The following LUZP2 variants were observed in gnomAD, a reference collection of about 807,000 sequenced individuals.
LUZP2 encodes leucine zipper protein 2.
A neutral mutation model predicts 51.6 loss-of-function variants in LUZP2; 52 were observed. The ratio of observed to expected loss-of-function variants is 1.01; its 90% CI spans 0.81 to 1.27. The LOEUF is 1.27. LUZP2 is among the 50% of genes most tolerant of loss of function. The pLI is 0.00. For synonymous variants in LUZP2, 154 were observed against 137.3 expected (o/e 1.12, Z -0.85); for missense variants, 436 against 395.4 (o/e 1.10, Z -0.87).
chr11:24,829,837 A>G (rs945005919), intron 5 of LUZP2, among the ~76,000 whole-genome samples: 4 of 152,200 alleles, frequency 2.6e-5, no homozygotes, highest in Non-Finnish European at 5.9e-5. Context: ...CTGTGATTTG[A>G]TAAGTCCAGA....
At chr11:25,009,155 C>A (rs1480711937) in intron 9 of LUZP2, among the ~76,000 whole-genome samples, 2 of 152,146 alleles carry the variant, frequency 1.3e-5, no homozygotes, top group African/African-American at 2.4e-5. Flanking sequence ...TACATTCCAA[C>A]AATTTTGAGG....
At chr11:24,988,010 G>A (rs1374034201) in intron 9 of LUZP2, among the ~76,000 whole-genome samples, 2 of 151,978 alleles carry the variant, frequency 1.3e-5, no homozygotes, top group African/African-American at 4.8e-5. Context: ...TAGAGCCAAG[G>A]TTGAACATGA....
intron 1 of LUZP2, among the ~76,000 whole-genome samples, chr11:24,510,610 T>C (rs1389984223): frequency 6.6e-6 from 1 of 152,218 alleles, no homozygotes; most frequent in Non-Finnish European, 1.5e-5. Flanking sequence ...CTAACTTTCA[T>C]GGGCTTCAGT....
At chr11:24,926,324 T>A (rs1854243468) in intron 7 of LUZP2, among the ~76,000 whole-genome samples, 1 of 115,292 alleles carries the variant, frequency 8.7e-6, no homozygotes, top group African/African-American at 3.9e-5. Context: ...TATATACGTG[T>A]GTGTATATAT....
chr11:24,617,550 G>A (rs902491511), intron 1 of LUZP2, among the ~76,000 whole-genome samples: 9 of 152,192 alleles, frequency 5.9e-5, no homozygotes, highest in Admixed American at 2.0e-4. Flanking sequence ...GCCGGGGGCC[G>A]TGGCTCACGC....
chr11:24,525,784 T>C (rs184235047), intron 1 of LUZP2, among the ~76,000 whole-genome samples: 1 of 151,536 alleles, frequency 6.6e-6, no homozygotes, highest in Admixed American at 6.6e-5. Flanking sequence ...GAAGGGCCTT[T>C]AGGAAATCCT....
At chr11:24,701,213 G>A in intron 1 of LUZP2, 1 of 155,360 alleles carries the variant, frequency 6.4e-6, no homozygotes. Context: ...GTCCAGCTTT[G>A]CAAAGGCTCT....
chr11:24,764,537 A>T (rs1352138821), intron 5 of LUZP2, among the ~76,000 whole-genome samples: 1 of 147,974 alleles, frequency 6.8e-6, no homozygotes, highest in Non-Finnish European at 1.5e-5. Context: ...GTGGTGGCTC[A>T]CTTGTAGTCC....
intron 1 of LUZP2, among the ~76,000 whole-genome samples, chr11:24,649,127 T>A (rs1247762400): frequency 6.6e-6 from 1 of 151,990 alleles, no homozygotes; most frequent in Non-Finnish European, 1.5e-5. Flanking sequence ...TTGCCTTTTT[T>A]AAAAAGTAAA....
chr11:24,575,836 A>G (rs1259391470), intron 1 of LUZP2, among the ~76,000 whole-genome samples: 5 of 152,016 alleles, frequency 3.3e-5, no homozygotes, highest in Non-Finnish European at 7.4e-5. Flanking sequence ...CTTCTCTGCA[A>G]TGCTGCATCC....
At chr11:24,785,939 A>T in intron 5 of LUZP2, 6 of 985,182 alleles carry the variant, frequency 6.1e-6, no homozygotes, top group Non-Finnish European at 7.2e-6. Context: ...CTGACTTCCT[A>T]CAAGCAGTCA....
At chr11:24,678,754 C>T (rs1856644576) in intron 1 of LUZP2, among the ~76,000 whole-genome samples, 1 of 152,214 alleles carries the variant, frequency 6.6e-6, no homozygotes, top group Admixed American at 6.5e-5. Context: ...AAAGGCATGA[C>T]TTTCAGTCCC....
intron 10 of LUZP2, among the ~76,000 whole-genome samples, chr11:25,064,128 A>C (rs1467400798): frequency 6.6e-6 from 1 of 152,006 alleles, no homozygotes; most frequent in African/African-American, 2.4e-5. Flanking sequence ...TAGGTTGTAC[A>C]TTTTCAATTC....
At chr11:25,038,625 A>G (rs1164620070) in intron 9 of LUZP2, among the ~76,000 whole-genome samples, 1 of 152,224 alleles carries the variant, frequency 6.6e-6, no homozygotes, top group Non-Finnish European at 1.5e-5. Flanking sequence ...CTTGCCATCC[A>G]GATTCTGAAT....
intron 1 of LUZP2, among the ~76,000 whole-genome samples, chr11:24,703,443 T>G (rs539120050): frequency 2.0e-5 from 3 of 152,290 alleles, no homozygotes; most frequent in African/African-American, 7.2e-5. Context: ...AGCCTGATTT[T>G]AGATTTCATT....
chr11:24,889,766 T>C (rs1386234), intron 5 of LUZP2, among the ~76,000 whole-genome samples: 63,275 of 152,036 alleles, frequency 0.42, 13,613 homozygotes, highest in Non-Finnish European at 0.47. Context: ...GCAATGACAT[T>C]TAGCTTTACG....
intron 1 of LUZP2, among the ~76,000 whole-genome samples, chr11:24,524,234 T>C (rs2133808004): frequency 6.6e-6 from 1 of 151,926 alleles, no homozygotes; most frequent in Non-Finnish European, 1.5e-5. Context: ...TTTTATTGCC[T>C]ACACATTGTA....
At chr11:24,859,318 T>C (rs570755566) in intron 5 of LUZP2, among the ~76,000 whole-genome samples, 3 of 152,298 alleles carry the variant, frequency 2.0e-5, no homozygotes, top group Admixed American at 1.3e-4. Context: ...CATCATTATT[T>C]ATGAAGCCCA....
At chr11:24,741,922 TTATATATTATATATAAATATATACATTTA>T (rs1365879072) in intron 4 of LUZP2, among the ~76,000 whole-genome samples, 1 of 18,004 alleles carries the variant, frequency 5.6e-5, no homozygotes, top group Non-Finnish European at 1.8e-4. Context: ...ATATATACAT[TTATATATTATATATAAATATATACATTTA>T]TATATTATAT....
Sources: allele counts gnomAD v4.1 joint callset (sites outside exome capture counted in the v4.1 genomes callset), GRCh38; gene constraint gnomAD v4.1.1; transcripts MANE v1.5; gene names NCBI Gene and HGNC (gene_info 2026-07-23, HGNC 2026-07-21).